The following SETD5 variants were observed in gnomAD, a reference collection of about 807,000 sequenced individuals.
The protein encoded by SETD5 is histone-lysine N-methyltransferase SETD5.
SETD5 carries 44 observed loss-of-function variants against 153.3 expected under a neutral mutation model. The observed-to-expected ratio is 0.29, with a 90% confidence interval of 0.23 to 0.37. The LOEUF (loss-of-function observed/expected upper bound fraction) is 0.37, where lower values mean the gene tolerates loss of function less well. Among genes scored for constraint, SETD5 ranks in the 10% least tolerant of loss-of-function variants. The pLI is 1.00. For synonymous variants in SETD5, 716 were observed against 645.2 expected, an observed-to-expected ratio of 1.11 and a Z score of -1.66; for missense variants, 1,544 against 1,768.0, an observed-to-expected ratio of 0.87 and a Z score of 2.27.
chr3:9,476,811 A>G lies in SETD5; in HGVS notation c.*720A>G, dbSNP rs548049653. On this transcript the variant is annotated 3_prime_UTR_variant, in exon 23 of 23. Coordinates refer to ENST00000402198, the MANE Select transcript of SETD5 (RefSeq NM_001080517.3). ...ATTGTCTGAGCCTCCAACTGTTACCATCCTACTCCCCCTTCCCAAGCTATT... is the reference window on the plus strand; with the variant it reads ...ATTGTCTGAGCCTCCAACTGTTACCGTCCTACTCCCCCTTCCCAAGCTATT... 1 of 152,650 alleles carries G rather than the reference A, an allele frequency of 6.6e-6. No individual in the cohort carries two copies. The highest frequency in any genetic ancestry group is 2.4e-5 in the African/African-American group (1 of 41,556). 9.5% of individuals were successfully genotyped at this position (152,650 alleles called of 1,614,324 possible). A position where few individuals can be genotyped will look rare whatever the true frequency, so the allele number is the denominator to read the frequency against.
At chr3:9,458,132 T>A (rs1228355011) in intron 17 of SETD5, among the ~76,000 whole-genome samples, 1 of 152,038 alleles carries the variant, frequency 6.6e-6, no homozygotes, top group Non-Finnish European at 1.5e-5. Flanking sequence ...TGAAAAAGAA[T>A]TAGAATCTAG....
intron 17 of SETD5, among the ~76,000 whole-genome samples, chr3:9,461,269 A>G (rs575227455): frequency 6.6e-6 from 1 of 152,304 alleles, no homozygotes; most frequent in East Asian, 1.9e-4. Context: ...AGTTGGTTAA[A>G]TTTTGATAAT....
chr3:9,468,022 C>T (rs1228725321), intron 18 of SETD5, among the ~76,000 whole-genome samples: 20 of 151,188 alleles, frequency 1.3e-4, no homozygotes, highest in Non-Finnish European at 1.5e-5. Context: ...TGTCAGCCCC[C>T]AGCACACTAA....
chr3:9,412,397 T>TTG (rs1429421166), intron 1 of SETD5, among the ~76,000 whole-genome samples: 101 of 139,286 alleles, frequency 7.3e-4, no homozygotes, highest in Non-Finnish European at 1.3e-3. Flanking sequence ...GTTTTTTTTT[T>TTG]TTTTTTTTTT....
chr3:9,425,358 CG>C (rs2039023847), intron 2 of SETD5, among the ~76,000 whole-genome samples: 1 of 152,038 alleles, frequency 6.6e-6, no homozygotes, highest in African/African-American at 2.4e-5. Context: ...GCCACTGCAC[CG>C]GGCTGACTTA....
At chr3:9,450,018 G>A (rs778508069) in intron 16 of SETD5, among the ~76,000 whole-genome samples, 5 of 152,166 alleles carry the variant, frequency 3.3e-5, no homozygotes, top group Non-Finnish European at 7.3e-5. Context: ...CTAGGCTCTT[G>A]AATTGAAATT....
At chr3:9,467,560 T>C (rs2044759193) in intron 18 of SETD5, among the ~76,000 whole-genome samples, 1 of 152,140 alleles carries the variant, frequency 6.6e-6, no homozygotes, top group African/African-American at 2.4e-5. Flanking sequence ...AACCCTGCTT[T>C]GCTGAAGCAG....
chr3:9,415,784 A>G (rs2037324533), intron 1 of SETD5, among the ~76,000 whole-genome samples: 1 of 151,572 alleles, frequency 6.6e-6, no homozygotes, highest in Non-Finnish European at 1.5e-5. Flanking sequence ...GGTGGCCTCA[A>G]AACTCCTGGC....
intron 21 of SETD5, 173 bp from the exon 22 acceptor site, chr3:9,474,895 T>C (rs995750571): frequency 5.4e-5 from 34 of 635,038 alleles, no homozygotes; most frequent in Admixed American, 1.8e-4. Flanking sequence ...ATTTAGAACA[T>C]AGCCCATAAT....
At position 9,464,586 on chromosome 3, in the gene SETD5, G is replaced by A; in HGVS notation, c.2638G>A (p.Glu880Lys). 1 of 1,613,976 alleles carries A rather than the reference G, an allele frequency of 6.2e-7. No individual in the cohort carries two copies. The highest frequency in any genetic ancestry group is 8.5e-7 in the Non-Finnish European group (1 of 1,179,888). The change falls in exon 18 of 23, where the codon GAG (glutamate) becomes AAG (lysine). Residue 880 changes from glutamate to lysine, a missense_variant. Glu to Lys is a moderately conservative substitution (Grantham distance 56). Transcript: ENST00000402198. ...TGGCTCATCTCACCCAGGAGAAGAG[G>A]AGTGTCGAAATGGATACAGCCTCAT... is the stretch of plus-strand genomic sequence containing the variant. ...TPGSSHPGEE[E>K]CRNGYSLMFS...
chr3:9,417,721 G>A (rs1446084079), intron 1 of SETD5, among the ~76,000 whole-genome samples: 7 of 151,640 alleles, frequency 4.6e-5, no homozygotes, highest in African/African-American at 1.2e-4. Context: ...TCCTGACCTC[G>A]TGATCCGCCC....
chr3:9,410,362 G>A (rs1298658253), intron 1 of SETD5, among the ~76,000 whole-genome samples: 1 of 152,152 alleles, frequency 6.6e-6, no homozygotes, highest in Admixed American at 6.5e-5. Flanking sequence ...CTGAAATGTC[G>A]TTATGTGGCA....
intron 16 of SETD5, 92 bp downstream of exon 16, chr3:9,448,722 ATG>A: frequency 1.5e-6 from 2 of 1,306,918 alleles, no homozygotes; most frequent in South Asian, 3.3e-5. Flanking sequence ...CATAAATAAA[ATG>A]TTCTCTAGAT....
At position 9,447,908 on chromosome 3, in the gene SETD5, G is replaced by A. The variant is rs2042200170; in HGVS notation, c.2005G>A (p.Gly669Arg). The change falls in exon 15 of 23, where the codon GGA (glycine) becomes AGA (arginine). Residue 669 changes from glycine (G) to arginine (R), a missense_variant. Transcript: ENST00000402198. Reference protein sequence around the residue: ...PTEAGSLDSSGENRPLTGSDP... With the variant: ...PTEAGSLDSSRENRPLTGSDP... The stretch of plus-strand genomic sequence containing the variant: ...TGAAGCTGGAAGTCTAGACAGTTCA[G>A]GAGAAAACAGGCCATTAACAGGGTC... The A allele has an allele frequency of 6.2e-7, 1 of 1,613,908 alleles. No individual in the cohort carries two copies. The highest frequency in any genetic ancestry group is 8.5e-7 in the Non-Finnish European group (1 of 1,179,866).
At chr3:9,425,049 A>G (rs1451188226) in intron 2 of SETD5, among the ~76,000 whole-genome samples, 1 of 123,392 alleles carries the variant, frequency 8.1e-6, no homozygotes, top group African/African-American at 3.7e-5. Flanking sequence ...GTTACCGACA[A>G]TGTTTCTTTT....
intron 17 of SETD5, among the ~76,000 whole-genome samples, chr3:9,457,818 G>GTA (rs1280253783): frequency 4.8e-5 from 7 of 145,924 alleles, no homozygotes; most frequent in East Asian, 2.0e-4. Flanking sequence ...ATATATATGT[G>GTA]TATATATATA....
At position 9,452,843 on chromosome 3, in the gene SETD5, A is replaced by G. The variant is rs535984262; in HGVS notation, c.2347-896A>G. Among the ~76,000 whole-genome samples the G allele has an allele frequency of 1.1e-4, 16 of 152,078 alleles. No individual in the cohort carries two copies. In the South Asian group the frequency reaches 3.3e-3, roughly 32 times the overall value. The stretch of plus-strand genomic sequence containing the variant: ...GCTCTTCCTATTGGGGGAGGGTCTT[A>G]CTCAGAAATTGATGTTTATCAAAAT... On this transcript the variant is annotated intron_variant, in intron 16 of 22. Coordinates refer to ENST00000402198, the MANE Select transcript of SETD5 (RefSeq NM_001080517.3).
At chr3:9,417,704 C>T (rs2037704979) in intron 1 of SETD5, among the ~76,000 whole-genome samples, 2 of 151,896 alleles carry the variant, frequency 1.3e-5, no homozygotes, top group African/African-American at 4.8e-5. Flanking sequence ...CCAGGATGGT[C>T]TCGATCTCCT....
intron 6 of SETD5, among the ~76,000 whole-genome samples, chr3:9,435,133 C>T (rs1209145975): frequency 6.6e-6 from 1 of 151,020 alleles, no homozygotes. Flanking sequence ...ATCCCAGCTA[C>T]TTGGGAGGCT....
Sources: gnomAD v4.1 joint callset for allele counts (sites outside exome capture counted in the v4.1 genomes callset) on GRCh38, gnomAD v4.1.1 for gene constraint, MANE v1.5 for transcripts, NCBI Gene and HGNC (gene_info 2026-07-23, HGNC 2026-07-21) for gene names.